Variants in WDR27 observed in about 807,000 individuals in gnomAD.
WDR27 encodes WD repeat domain 27.
A neutral mutation model predicts 114.4 loss-of-function variants in WDR27; 100 were observed. That is an observed-to-expected ratio of 0.87 (90% CI 0.74 to 1.03). The LOEUF (loss-of-function observed/expected upper bound fraction) is 1.03, where lower values mean the gene tolerates loss of function less well. WDR27 is among the 50% of genes least tolerant of loss of function. The pLI is 0.00. For synonymous variants in WDR27, 449 were observed against 423.1 expected (o/e 1.06, Z -0.75); for missense variants, 1,129 against 1,092.9 (o/e 1.03, Z -0.47).
chr6:169,555,151 G>A (rs962325800), intron 25 of WDR27, among the ~76,000 whole-genome samples: 5 of 152,128 alleles, frequency 3.3e-5, no homozygotes, highest in Non-Finnish European at 5.9e-5. Context: ...ATAAGTTGAC[G>A]GTTTACAATG....
intron 24 of WDR27, among the ~76,000 whole-genome samples, chr6:169,581,013 G>A (rs1240325856): frequency 2.7e-5 from 4 of 148,894 alleles, no homozygotes; most frequent in African/African-American, 9.8e-5. Flanking sequence ...TCAGTGTGAT[G>A]TATACGTATA....
chr6:169,694,427 T>C (rs1785303778), intron 1 of WDR27, among the ~76,000 whole-genome samples: 1 of 152,266 alleles, frequency 6.6e-6, no homozygotes, highest in African/African-American at 2.4e-5. Flanking sequence ...TCAAAAATTC[T>C]ACTTTTATAA....
At chr6:169,600,122 A>G (rs1807654978) in intron 23 of WDR27, among the ~76,000 whole-genome samples, 1 of 152,148 alleles carries the variant, frequency 6.6e-6, no homozygotes. Flanking sequence ...CTGTGGTCTG[A>G]GAGACAGTTT....
the WDR27 span, among the ~76,000 whole-genome samples, chr6:169,449,034 AT>A: frequency 2.6e-5 from 4 of 152,132 alleles, no homozygotes; most frequent in African/African-American, 7.2e-5. Flanking sequence ...CATAGGTCAT[AT>A]TTTCTACGTT....
At chr6:169,463,814 A>G (rs896610567) in intron 25 of WDR27, among the ~76,000 whole-genome samples, 2 of 152,252 alleles carry the variant, frequency 1.3e-5, no homozygotes, top group Admixed American at 6.5e-5. Context: ...CAAAATAATA[A>G]AATACTTAGG....
intron 10 of WDR27, among the ~76,000 whole-genome samples, chr6:169,660,377 G>T (rs1009780094): frequency 3.3e-5 from 5 of 152,196 alleles, no homozygotes; most frequent in African/African-American, 1.2e-4. Flanking sequence ...GTTCCTGCAG[G>T]TGTTCCACGC....
At chr6:169,546,892 A>G (rs1797518282) in intron 25 of WDR27, among the ~76,000 whole-genome samples, 1 of 152,176 alleles carries the variant, frequency 6.6e-6, no homozygotes, top group Non-Finnish European at 1.5e-5. Context: ...GTTTTTACTT[A>G]CAATCGAGCT....
At chr6:169,698,277 T>C (rs1786800559) in intron 1 of WDR27, among the ~76,000 whole-genome samples, 1 of 151,788 alleles carries the variant, frequency 6.6e-6, no homozygotes, top group African/African-American at 2.4e-5. Context: ...TCGGCTTCAA[T>C]GCCTACCTCT....
At chr6:169,613,959 G>A (rs1431892147) in intron 21 of WDR27, among the ~76,000 whole-genome samples, 2 of 152,176 alleles carry the variant, frequency 1.3e-5, no homozygotes, top group African/African-American at 4.8e-5. Context: ...CATGTTTACA[G>A]TATAGACCAT....
At chr6:169,490,838 G>A (rs965265263) in intron 25 of WDR27, among the ~76,000 whole-genome samples, 6 of 152,054 alleles carry the variant, frequency 3.9e-5, no homozygotes, top group Non-Finnish European at 5.9e-5. Context: ...TGCTTTCATG[G>A]CCTAGAAATC....
chr6:169,435,241 C>T, the WDR27 span, among the ~76,000 whole-genome samples: 1 of 152,222 alleles, frequency 6.6e-6, no homozygotes. Context: ...CAGAAGTTTG[C>T]TGCAGGGGTG....
At chr6:169,533,268 TG>T (rs11293073) in intron 25 of WDR27, among the ~76,000 whole-genome samples, 87,923 of 142,302 alleles carry the variant, frequency 0.62, 28,586 homozygotes, top group East Asian at 0.73. Context: ...ACAGCCCACA[TG>T]GGTTGGAGTA....
chr6:169,635,408 T>C (rs190849814), intron 19 of WDR27, among the ~76,000 whole-genome samples: 1 of 152,104 alleles, frequency 6.6e-6, no homozygotes, highest in African/African-American at 2.4e-5. Context: ...GGACTGAAAG[T>C]CCCAGGCACC....
At chr6:169,501,491 T>C (rs2115483473) in intron 25 of WDR27, among the ~76,000 whole-genome samples, 1 of 152,316 alleles carries the variant, frequency 6.6e-6, no homozygotes, top group African/African-American at 2.4e-5. Flanking sequence ...AATAAAATAA[T>C]TTATCCCACA....
chr6:169,548,817 A>T (rs1385324957), intron 25 of WDR27, among the ~76,000 whole-genome samples: 2 of 152,218 alleles, frequency 1.3e-5, no homozygotes, highest in African/African-American at 2.4e-5. Context: ...TCTTTAACAA[A>T]TGGTGCTATA....
intron 25 of WDR27, among the ~76,000 whole-genome samples, chr6:169,544,755 A>C (rs904364410): frequency 1.3e-5 from 2 of 152,214 alleles, no homozygotes; most frequent in Non-Finnish European, 2.9e-5. Flanking sequence ...TCATTTCTAT[A>C]TACTAAAAAT....
chr6:169,451,073 T>C, the WDR27 span, among the ~76,000 whole-genome samples: 2 of 152,324 alleles, frequency 1.3e-5, no homozygotes, highest in African/African-American at 4.8e-5. Flanking sequence ...AGGAACTTCC[T>C]TGTGGAACAA....
At chr6:169,447,070 C>T in the WDR27 span, among the ~76,000 whole-genome samples, 2 of 152,180 alleles carry the variant, frequency 1.3e-5, no homozygotes, top group South Asian at 4.1e-4. Context: ...TCTAATGGCA[C>T]TTTTAAAAAT....
intron 21 of WDR27, among the ~76,000 whole-genome samples, chr6:169,614,945 T>TA (rs1416696745): frequency 2.6e-5 from 4 of 151,006 alleles, no homozygotes; most frequent in South Asian, 2.1e-4. Context: ...GGCTAAAGAG[T>TA]AAAAAACTGA....
Sources: allele counts gnomAD v4.1 joint callset (sites outside exome capture counted in the v4.1 genomes callset), GRCh38; gene constraint gnomAD v4.1.1; transcripts MANE v1.5; gene names NCBI Gene and HGNC (gene_info 2026-07-23, HGNC 2026-07-21).